The following ANKRD12 variants were observed in gnomAD, a reference collection of about 807,000 sequenced individuals.
ANKRD12 encodes the protein ankyrin repeat domain 12, also known as ankyrin repeat domain-containing protein 12.
A neutral mutation model predicts 183.4 loss-of-function variants in ANKRD12; 85 were observed. The observed-to-expected ratio is 0.46, with a 90% CI of 0.39 to 0.56. ANKRD12 has a LOEUF of 0.56. ANKRD12 is among the 20% of genes least tolerant of loss of function. The pLI is 0.00. For synonymous variants in ANKRD12, 914 were observed against 800.2 expected (o/e 1.14, Z -2.40); for missense variants, 2,405 against 2,357.1 (o/e 1.02, Z -0.42).
Position 9,255,727 on chromosome 18 carries a change from A to C in ANKRD12, c.2460A>C (p.Glu820Asp), listed in dbSNP as rs756058259. 1.3e-6 allele frequency: 2 copies of C among 1,594,452 alleles called. No individual in the cohort carries two copies. Among genetic ancestry groups the C allele is most frequent in the South Asian group, 1.2e-5 (1 of 85,812 alleles). The change falls in exon 9 of 13, where the codon GAA (glutamate) becomes GAC (aspartate). Residue 820 changes from glutamate (E) to aspartate (D), a missense_variant. Physicochemically the swap from Glu to Asp is conservative, Grantham distance 45. Around this residue, in one of 7 missense-constraint regions of ANKRD12, gnomAD observed 1,983 missense variants for 1,725.9 expected, o/e 1.15. Coordinates refer to ENST00000262126, the MANE Select transcript of ANKRD12 (RefSeq NM_015208.5). ...AAAAGCATATAAAGGAAAGTAAAGA[A>C]AAACCTGAGAAGCGATCTCAAATTA... ...KQEKHIKESKEKPEKRSQIKE... is the reference protein window; with the variant it reads ...KQEKHIKESKDKPEKRSQIKE...
At chr18:9,188,295 T>C (rs1409563782) in intron 2 of ANKRD12, among the ~76,000 whole-genome samples, 2 of 152,252 alleles carry the variant, frequency 1.3e-5, no homozygotes, top group African/African-American at 4.8e-5. Context: ...GCAGTAAGTC[T>C]GCCTGAACTT....
At chr18:9,187,730 G>C (rs147523467) in intron 2 of ANKRD12, among the ~76,000 whole-genome samples, 2 of 152,094 alleles carry the variant, frequency 1.3e-5, no homozygotes, top group African/African-American at 4.8e-5. Context: ...TACTCTTTTA[G>C]CTATAAATCA....
intron 2 of ANKRD12, among the ~76,000 whole-genome samples, chr18:9,191,690 C>T (rs1213774472): frequency 1.3e-5 from 2 of 152,238 alleles, no homozygotes; most frequent in African/African-American, 4.8e-5. Context: ...CCTTGCTGAG[C>T]ATTGAGAGAC....
At chr18:9,193,334 C>T (rs540853694) in intron 2 of ANKRD12, among the ~76,000 whole-genome samples, 9 of 151,958 alleles carry the variant, frequency 5.9e-5, no homozygotes, top group African/African-American at 2.2e-4. Flanking sequence ...GAAACAAGGT[C>T]AGGGTCCCCC....
chr18:9,138,154 T>G (rs2078187916), intron 1 of ANKRD12, among the ~76,000 whole-genome samples: 1 of 152,216 alleles, frequency 6.6e-6, no homozygotes, highest in South Asian at 2.1e-4. Flanking sequence ...TTTAGAATGG[T>G]TTATGTAAAT....
At position 9,256,695 on chromosome 18, in the gene ANKRD12, G is replaced by T. The variant is rs768353391; in HGVS notation, c.3428G>T (p.Ser1143Ile). ...AATAAAGAACTTACTAGGTCAAAGA[G>T]TTCAGAAGTGACTGATGCATATACC... ...SKNKELTRSK[S>I]SEVTDAYTKE... The change falls in exon 9 of 13, where the codon AGT becomes ATT. Residue 1143 changes from serine to isoleucine, a missense_variant. Physicochemically the swap from Ser to Ile is moderately radical, Grantham distance 142 (BLOSUM62 -2). Transcript: ENST00000262126. 1.2e-6 allele frequency: 2 copies of T among 1,608,652 alleles called. No individual in the cohort carries two copies. Among genetic ancestry groups the T allele is most frequent in the South Asian group, 2.2e-5 (2 of 89,748 alleles).
intron 8 of ANKRD12, among the ~76,000 whole-genome samples, chr18:9,231,230 G>T (rs1245378501): frequency 2.0e-5 from 3 of 152,124 alleles, no homozygotes; most frequent in African/African-American, 7.2e-5. Flanking sequence ...TTCTGCAGTT[G>T]TTGGATAAAA....
At chr18:9,149,076 T>C (rs1019544730) in intron 1 of ANKRD12, among the ~76,000 whole-genome samples, 5 of 152,262 alleles carry the variant, frequency 3.3e-5, no homozygotes, top group Admixed American at 2.6e-4. Flanking sequence ...ATTTTAGTGT[T>C]CCCTCTTCTT....
At position 9,203,983 on chromosome 18, in the gene ANKRD12, C is replaced by T. The variant is rs371797031; in HGVS notation, c.236-493C>T. On this transcript the variant is annotated intron_variant, in intron 3 of 12. Transcript: ENST00000262126. The stretch of plus-strand genomic sequence containing the variant: ...TCCAGACGGTCTTCAGTAGTAATCA[C>T]TGTAGTAATTTATACCATTTGAAGT... Among the ~76,000 whole-genome samples the T allele has an allele frequency of 7.9e-5, 12 of 152,282 alleles. 1 individual carries two copies. The highest frequency in any genetic ancestry group is 2.9e-4 in the African/African-American group (12 of 41,558).
At position 9,281,036 on chromosome 18, in the gene ANKRD12, C is replaced by T; in HGVS notation, c.6099C>T (p.Ala2033=). ...WQLKLQELDP[A]TYKSISIYEI... is the part of the protein sequence containing the mutation. ...TCAAACTCCAGGAACTTGATCCTGCCACCTATAAATCTATCAGCATTTACG... is the reference window on the plus strand; with the variant it reads ...TCAAACTCCAGGAACTTGATCCTGCTACCTATAAATCTATCAGCATTTACG... Residue 2033 remains alanine (A), a synonymous_variant, in exon 13 of 13, where the codon GCC becomes GCT. Coordinates refer to ENST00000262126, the MANE Select transcript of ANKRD12 (RefSeq NM_015208.5). The T allele has an allele frequency of 6.2e-7, 1 of 1,614,066 alleles. No individual in the cohort carries two copies. Among genetic ancestry groups the T allele is most frequent in the Non-Finnish European group, 8.5e-7 (1 of 1,179,964 alleles).
intron 2 of ANKRD12, among the ~76,000 whole-genome samples, chr18:9,184,859 A>C (rs543854275): frequency 6.6e-6 from 1 of 152,064 alleles, no homozygotes; most frequent in African/African-American, 2.4e-5. Context: ...CTTAAATGTT[A>C]TTATGAAGAT....
chr18:9,229,909 G>C (rs539593844), intron 8 of ANKRD12, among the ~76,000 whole-genome samples: 1 of 152,234 alleles, frequency 6.6e-6, no homozygotes, highest in South Asian at 2.1e-4. Flanking sequence ...TTTCATCAGG[G>C]ATGTTGGCCT....
rs71168048 is a variant in ANKRD12, at chr18:9,262,787, CTTTTTTTTTT to C, written c.5665-983_5665-974del. On this transcript the variant is annotated intron_variant, in intron 9 of 12. Transcript: ENST00000262126. ...GCCACCATGCCCAGCCAAGATGTCC[CTTTTTTTTTT>C]TTTTTTTTTTTTTTTTTTTGAGACA... Among the ~76,000 whole-genome samples, 50 of 83,768 alleles carry C rather than the reference CTTTTTTTTTT, an allele frequency of 6.0e-4. 1 individual carries two copies. The highest frequency in any genetic ancestry group is 2.1e-3 in the African/African-American group (37 of 17,624). 55.0% of individuals were successfully genotyped at this position (83,768 alleles called of 152,430 possible).
At chr18:9,185,166 G>A (rs905719564) in intron 2 of ANKRD12, among the ~76,000 whole-genome samples, 28 of 152,314 alleles carry the variant, frequency 1.8e-4, no homozygotes, top group African/African-American at 6.5e-4. Flanking sequence ...TGGAGGATAG[G>A]AGGTGAGTCT....
chr18:9,211,973 AC>A (rs2035828656), intron 6 of ANKRD12, among the ~76,000 whole-genome samples, 189 bp downstream of exon 6: 1 of 152,224 alleles, frequency 6.6e-6, no homozygotes, highest in African/African-American at 2.4e-5. Flanking sequence ...GTCAATAATT[AC>A]TCATATTTTT....
At position 9,267,100 on chromosome 18, in the gene ANKRD12, C is replaced by T. The variant is rs549442602; in HGVS notation, c.5763+3212C>T. Among the ~76,000 whole-genome samples the T allele has an allele frequency of 1.1e-4, 17 of 152,106 alleles. 2 individuals are homozygous for T. The highest frequency in any genetic ancestry group is 2.2e-4 in the Non-Finnish European group (15 of 68,008). On this transcript the variant is annotated intron_variant, in intron 10 of 12. Transcript: ENST00000262126. ...AATATATATGCACCCAATACAGGAG[C>T]ACCCAGATTCATAAAGCAAGTCCTT...
At chr18:9,139,658 G>A (rs985407770) in intron 1 of ANKRD12, among the ~76,000 whole-genome samples, 20 of 152,286 alleles carry the variant, frequency 1.3e-4, no homozygotes, top group African/African-American at 4.8e-4. Context: ...TGGGCGTGAA[G>A]AATTTGTCTA....
intron 1 of ANKRD12, among the ~76,000 whole-genome samples, chr18:9,164,255 T>G (rs977841890): frequency 4.6e-5 from 7 of 152,198 alleles, no homozygotes; most frequent in African/African-American, 1.7e-4. Context: ...TCTGAAGGCC[T>G]TTTCTGCATC....
intron 1 of ANKRD12, among the ~76,000 whole-genome samples, chr18:9,181,069 A>G (rs2033665266): frequency 6.6e-6 from 1 of 152,190 alleles, no homozygotes; most frequent in African/African-American, 2.4e-5. Context: ...CGTTAATGAA[A>G]TGGTTGAATG....
Sources: allele counts gnomAD v4.1 joint callset (sites outside exome capture counted in the v4.1 genomes callset), GRCh38; gene constraint gnomAD v4.1.1; regional missense constraint gnomAD v4.1.1; transcripts MANE v1.5; gene names NCBI Gene and HGNC (gene_info 2026-07-23, HGNC 2026-07-21).